Variants in ZNF385D observed in about 807,000 individuals in gnomAD.
ZNF385D encodes the protein zinc finger protein 659.
A neutral mutation model predicts 35.8 loss-of-function variants in ZNF385D; 15 were observed. The ratio of observed to expected loss-of-function variants is 0.42; its 90% CI spans 0.28 to 0.64. The LOEUF (loss-of-function observed/expected upper bound fraction) is 0.64. ZNF385D is among the 30% of genes least tolerant of loss of function. The pLI is 0.23. For missense variants in ZNF385D, 474 were observed against 494.6 expected (o/e 0.96, Z 0.39); for synonymous variants, 212 against 186.8 (o/e 1.13, Z -1.10).
chr3:21,624,351 A>C (rs1010127431), intron 2 of ZNF385D, among the ~76,000 whole-genome samples: 1 of 152,082 alleles, frequency 6.6e-6, no homozygotes, highest in Non-Finnish European at 1.5e-5. Flanking sequence ...CTCCAAAATT[A>C]GTCCTATATT....
chr3:22,146,818 T>C (rs1181392748), intron 3 of ZNF385D, among the ~76,000 whole-genome samples: 25 of 152,164 alleles, frequency 1.6e-4, no homozygotes. Flanking sequence ...ACTTTGATGA[T>C]ACTCTTATGA....
intron 3 of ZNF385D, among the ~76,000 whole-genome samples, chr3:21,849,204 C>T (rs918857598): frequency 4.5e-4 from 69 of 152,184 alleles, no homozygotes; most frequent in African/African-American, 1.6e-3. Flanking sequence ...AAAACACTAA[C>T]ATCAAAGTAA....
intron 2 of ZNF385D, among the ~76,000 whole-genome samples, chr3:22,190,216 A>G (rs1695921907): frequency 6.6e-6 from 1 of 152,194 alleles, no homozygotes; most frequent in African/African-American, 2.4e-5. Context: ...GTCAAAGTTG[A>G]AAATCAAATC....
chr3:21,646,430 A>T lies in ZNF385D; in HGVS notation c.165+18456T>A, dbSNP rs79169254. On this transcript the variant is annotated intron_variant, in intron 2 of 7. Transcript: ENST00000281523. The surrounding 1 kb of genome is among the most constrained non-coding windows in gnomAD (Gnocchi z 4.3). ...AGTGGACTGAGAGCCACAGCTCCCAAGGGCAGTGCTTGGATAGGAACTCAG... is the reference window on the plus strand; with the variant it reads ...AGTGGACTGAGAGCCACAGCTCCCATGGGCAGTGCTTGGATAGGAACTCAG... Among the ~76,000 whole-genome samples, 1,391 of 152,308 alleles carry T rather than the reference A, an allele frequency of 9.1e-3. 11 individuals are homozygous for T. The highest frequency in any genetic ancestry group is 0.015 in the Non-Finnish European group (1,034 of 68,020).
At chr3:22,169,274 A>G (rs1706532388) in intron 2 of ZNF385D, among the ~76,000 whole-genome samples, 1 of 152,174 alleles carries the variant, frequency 6.6e-6, no homozygotes, top group East Asian at 1.9e-4. Flanking sequence ...TGTTTTTATT[A>G]CTTCATTTAA....
chr3:21,792,875 G>A (rs1000674074), intron 3 of ZNF385D, among the ~76,000 whole-genome samples: 10 of 152,128 alleles, frequency 6.6e-5, no homozygotes, highest in Admixed American at 1.3e-4. Flanking sequence ...CTGGTTTTGT[G>A]CATTTTTATT....
chr3:21,589,477 A>AAGAG lies in ZNF385D; in HGVS notation c.166-24797_166-24794dup, dbSNP rs532001889. Among the ~76,000 whole-genome samples, 108 of 152,328 alleles carry AAGAG rather than the reference A, an allele frequency of 7.1e-4. 2 individuals carry two copies. The South Asian group carries it at 0.016, about 23-fold the overall frequency. Reference sequence around the variant, plus strand: ...GCGAAAAGCAAAATTTTTACCTTATAAGAGTGAAGAAAAATATTTTAATGG... The same window carrying AAGAG: ...GCGAAAAGCAAAATTTTTACCTTATAAGAGAGAGTGAAGAAAAATATTTTAATGG... On this transcript the variant is annotated intron_variant, in intron 2 of 7. Transcript: ENST00000281523.
chr3:21,801,761 T>C (rs2072415114), intron 3 of ZNF385D, among the ~76,000 whole-genome samples: 5 of 152,180 alleles, frequency 3.3e-5, no homozygotes, highest in Admixed American at 3.3e-4. Context: ...CATAATGCTC[T>C]GAGGCTGGGA....
Position 21,747,059 on chromosome 3 carries a change from T to G in ZNF385D, c.22+3836A>C, listed in dbSNP as rs549427567. Among the ~76,000 whole-genome samples, 21 of 150,660 alleles carry G rather than the reference T, an allele frequency of 1.4e-4. No homozygotes were observed. The South Asian group carries it at 3.4e-3, about 24-fold the overall frequency. On this transcript the variant is annotated intron_variant, in intron 1 of 7. Transcript: ENST00000281523. ...ATTTTCTTTTTTTTTTTTTTTTAGC[T>G]GTTGTATTAAAAGCTTCCTCAGTGA...
At chr3:22,085,767 G>T (rs1701000794) in intron 3 of ZNF385D, among the ~76,000 whole-genome samples, 1 of 152,070 alleles carries the variant, frequency 6.6e-6, no homozygotes, top group Non-Finnish European at 1.5e-5. Flanking sequence ...AAACTTTCAG[G>T]CCAATATTCC....
intron 3 of ZNF385D, among the ~76,000 whole-genome samples, chr3:22,024,466 C>T (rs1052046576): frequency 6.6e-6 from 1 of 151,820 alleles, no homozygotes; most frequent in African/African-American, 2.4e-5. Context: ...GAGTTGGCTG[C>T]TTGATATGAT....
intron 3 of ZNF385D, among the ~76,000 whole-genome samples, chr3:21,848,025 C>T (rs1181206066): frequency 1.3e-5 from 2 of 151,960 alleles, no homozygotes; most frequent in Admixed American, 6.6e-5. Flanking sequence ...CATTCTACTC[C>T]CTGCTTCTAT....
At chr3:21,570,720 C>G (rs1047551098) in intron 2 of ZNF385D, among the ~76,000 whole-genome samples, 1 of 152,066 alleles carries the variant, frequency 6.6e-6, no homozygotes, top group African/African-American at 2.4e-5. Flanking sequence ...TATCACATAA[C>G]TAGTAAGTGG....
intron 2 of ZNF385D, among the ~76,000 whole-genome samples, chr3:21,603,208 G>A (rs549638935): frequency 6.6e-6 from 1 of 152,302 alleles, no homozygotes; most frequent in East Asian, 1.9e-4. Flanking sequence ...ATTTAACTAG[G>A]CTATTAAAAG....
At chr3:21,540,836 C>A (rs1372186739) in intron 3 of ZNF385D, among the ~76,000 whole-genome samples, 1 of 152,144 alleles carries the variant, frequency 6.6e-6, no homozygotes, top group Non-Finnish European at 1.5e-5. Flanking sequence ...ATTAAACTTT[C>A]ATGGCATATC....
intron 3 of ZNF385D, among the ~76,000 whole-genome samples, chr3:21,902,096 T>G (rs1357062947): frequency 6.6e-6 from 1 of 152,182 alleles, no homozygotes; most frequent in African/African-American, 2.4e-5. Flanking sequence ...AGAATTAGAT[T>G]AAAAGTTTCT....
At chr3:22,022,748 A>G (rs1041216694) in intron 3 of ZNF385D, among the ~76,000 whole-genome samples, 4 of 152,130 alleles carry the variant, frequency 2.6e-5, no homozygotes, top group African/African-American at 9.7e-5. Flanking sequence ...ATTGAGATGG[A>G]AAAAAATTCA....
At position 22,126,599 on chromosome 3, in the gene ZNF385D, T is replaced by C. The variant is rs574042687; in HGVS notation, c.325+42218A>G. Among the ~76,000 whole-genome samples, 53 of 152,174 alleles carry C rather than the reference T, an allele frequency of 3.5e-4. No individual in the cohort carries two copies. The South Asian group carries it at 9.5e-3, about 27-fold the overall frequency. On this transcript the variant is annotated intron_variant, in intron 3 of 5. Coordinates refer to the ZNF385D transcript ENST00000494108. ...TTTTAAGACTTGTTTTGTGACCTAATGTATGCTCCATCCTTGAGAATGATC... is the reference window on the plus strand; with the variant it reads ...TTTTAAGACTTGTTTTGTGACCTAACGTATGCTCCATCCTTGAGAATGATC...
At chr3:22,201,143 G>A (rs1696771075) in intron 2 of ZNF385D, among the ~76,000 whole-genome samples, 1 of 152,114 alleles carries the variant, frequency 6.6e-6, no homozygotes, top group African/African-American at 2.4e-5. Context: ...TACAATTCAT[G>A]TTTAGAGACT....
Sources: gnomAD v4.1 joint callset for allele counts (sites outside exome capture counted in the v4.1 genomes callset) on GRCh38, gnomAD v4.1.1 for gene constraint, Gnocchi (gnomAD v3.1) non-coding constraint, MANE v1.5 for transcripts, NCBI Gene and HGNC (gene_info 2026-07-23, HGNC 2026-07-21) for gene names.